The following PCDHGA9 variants were observed in gnomAD, a reference collection of about 807,000 sequenced individuals.
PCDHGA9 encodes the protein protocadherin gamma-A9.
Under a neutral mutation model 62.5 loss-of-function variants are expected in PCDHGA9, and 37 were observed. The observed-to-expected ratio is 0.59, with a 90% CI of 0.46 to 0.78. The LOEUF is 0.78. Among genes scored for constraint, PCDHGA9 ranks in the 30% least tolerant of loss-of-function variants. The pLI, the probability that PCDHGA9 is intolerant of heterozygous loss-of-function variation, is 0.00. For missense variants in PCDHGA9, 1,138 were observed against 1,166.2 expected, an observed-to-expected ratio of 0.98 and a Z score of 0.35; for synonymous variants, 459 against 484.6, an observed-to-expected ratio of 0.95 and a Z score of 0.69.
At chr5:141,474,115 G>A (rs1404490690) in intron 1 of PCDHGA9, among the ~76,000 whole-genome samples, 2 of 152,062 alleles carry the variant, frequency 1.3e-5, no homozygotes, top group South Asian at 2.1e-4. Context: ...CAACAACAAC[G>A]AAAATCTCAG....
intron 2 of PCDHGA9, 149 bp from the exon 3 acceptor site, chr5:141,505,244 T>C (rs886952348): frequency 7.0e-7 from 1 of 1,428,216 alleles, no homozygotes; most frequent in Non-Finnish European, 9.4e-7. Context: ...TGAAGGATTG[T>C]AGAAGTGCCT....
intron 1 of PCDHGA9, chr5:141,408,864 C>T: frequency 1.2e-6 from 2 of 1,613,638 alleles, no homozygotes; most frequent in Non-Finnish European, 8.5e-7. Context: ...GGGGACCCAC[C>T]AAGAAGTGCC....
chr5:141,465,454 T>G (rs1031876441), intron 1 of PCDHGA9, among the ~76,000 whole-genome samples: 1 of 152,184 alleles, frequency 6.6e-6, no homozygotes, highest in African/African-American at 2.4e-5. Context: ...AAGAAAACTC[T>G]CACCAAATTG....
chr5:141,428,594 G>A (rs1317075888), intron 1 of PCDHGA9: 4 of 227,916 alleles, frequency 1.8e-5, no homozygotes, highest in African/African-American at 9.1e-5. Context: ...CTGGTAGCAA[G>A]CTTCACTGAA....
Position 141,485,959 on chromosome 5 carries a change from C to A in PCDHGA9, c.2425-8848C>A, listed in dbSNP as rs758835557. The A allele has an allele frequency of 6.2e-7, 1 of 1,614,160 alleles. No homozygotes were observed. The highest frequency in any genetic ancestry group is 1.3e-5 in the African/African-American group (1 of 75,054). Reference sequence around the variant, plus strand: ...GCGCACCAGCGGGCATGGTGCTCATCCAGCTCAATGCCTCAGACCCGGACC... The same window carrying A: ...GCGCACCAGCGGGCATGGTGCTCATACAGCTCAATGCCTCAGACCCGGACC... On this transcript the variant is annotated intron_variant, in intron 1 of 3. Coordinates refer to ENST00000573521, the MANE Select transcript of PCDHGA9 (RefSeq NM_018921.3). The surrounding 1 kb of genome is among the most constrained non-coding windows in gnomAD (Gnocchi z 5.7).
intron 1 of PCDHGA9, chr5:141,433,013 AC>A: frequency 6.2e-7 from 1 of 1,614,018 alleles, no homozygotes; most frequent in Non-Finnish European, 8.5e-7. Flanking sequence ...TTTCCTGCAG[AC>A]CTATTCCCAC....
At chr5:141,460,829 A>C (rs1242954704) in intron 1 of PCDHGA9, among the ~76,000 whole-genome samples, 1 of 151,944 alleles carries the variant, frequency 6.6e-6, no homozygotes, top group African/African-American at 2.4e-5. Flanking sequence ...ATACACACTT[A>C]AAGTAATGGC....
rs762910422 is a variant in PCDHGA9, at chr5:141,485,747, C to T, written c.2425-9060C>T. ...GAAGCGCAGCGACGGCAGCCTGGTCCCAGAGCTGCTCCTGGAGAAGCCTTT... is the reference window on the plus strand; with the variant it reads ...GAAGCGCAGCGACGGCAGCCTGGTCTCAGAGCTGCTCCTGGAGAAGCCTTT... On this transcript the variant is annotated intron_variant, in intron 1 of 3. Coordinates refer to ENST00000573521, the MANE Select transcript of PCDHGA9 (RefSeq NM_018921.3). This position sits in a 1 kb window ranked among gnomAD's most constrained non-coding sequence, Gnocchi z 5.7. 1 of 1,614,162 alleles carries T rather than the reference C, an allele frequency of 6.2e-7. No individual in the cohort carries two copies.
In PCDHGA9 at chr5:141,432,358, G is replaced by A. The variant is rs750696244; in HGVS notation, c.2424+26982G>A. ...TCCGAGACTTGCAAGTGAAAGTGAT[G>A]GCGCGGGACAACGGGCACCCGCCCC... On this transcript the variant is annotated intron_variant, in intron 1 of 3. Transcript: ENST00000573521. This position sits in a 1 kb window ranked among gnomAD's most constrained non-coding sequence, Gnocchi z 6.0. The A allele has an allele frequency of 6.2e-7, 1 of 1,614,122 alleles. No homozygotes were observed. The highest frequency in any genetic ancestry group is 8.5e-7 in the Non-Finnish European group (1 of 1,180,060).
intron 3 of PCDHGA9, among the ~76,000 whole-genome samples, chr5:141,505,765 T>C (rs970212345): frequency 5.3e-5 from 8 of 151,922 alleles, no homozygotes; most frequent in African/African-American, 1.9e-4. Flanking sequence ...ACAGTGTAGC[T>C]CAGGTCCTAG....
rs773522759 is a variant in PCDHGA9, at chr5:141,419,457, A to G, written c.2424+14081A>G. The G allele has an allele frequency of 7.4e-6, 12 of 1,612,610 alleles. No homozygotes were observed. The South Asian group carries it at 1.3e-4, about 18-fold the overall frequency. On this transcript the variant is annotated intron_variant, in intron 1 of 3. Transcript: ENST00000573521. ...CTGCGCACCTTCGAGCTCACGCTGC[A>G]GGCCCGCGACCAGGGCTCGCCCGCG...
At chr5:141,410,659 C>T (rs1481225976) in intron 1 of PCDHGA9, 5 of 1,571,890 alleles carry the variant, frequency 3.2e-6, no homozygotes, top group Non-Finnish European at 4.3e-6. Flanking sequence ...ATCTAATAGT[C>T]TACTAGTTTC....
At chr5:141,417,628 A>T (rs2096139720) in intron 1 of PCDHGA9, 1 of 692,650 alleles carries the variant, frequency 1.4e-6, no homozygotes, top group Non-Finnish European at 2.3e-6. Context: ...GCAAGCGCTG[A>T]CGCCGGGGAT....
Position 141,476,165 on chromosome 5 carries a change from G to A in PCDHGA9, c.2425-18642G>A. ...CGGACTGGTAAGCACCGGGAGGGTA[G>A]TGGGAGTTTTGCTTCTGCTTGGTGC... On this transcript the variant is annotated intron_variant, in intron 1 of 3. Coordinates refer to ENST00000573521, the MANE Select transcript of PCDHGA9 (RefSeq NM_018921.3). This position sits in a 1 kb window ranked among gnomAD's most constrained non-coding sequence, Gnocchi z 7.6. 1 of 1,613,228 alleles carries A rather than the reference G, an allele frequency of 6.2e-7. No homozygotes were observed.
intron 1 of PCDHGA9, among the ~76,000 whole-genome samples, chr5:141,457,755 A>G (rs1011599369): frequency 2.0e-5 from 3 of 152,226 alleles, no homozygotes; most frequent in African/African-American, 4.8e-5. Flanking sequence ...GAGCCCAGAC[A>G]TGGGTTTGTA....
chr5:141,482,740 G>A (rs1288861437), intron 1 of PCDHGA9, among the ~76,000 whole-genome samples: 1 of 127,398 alleles, frequency 7.8e-6, no homozygotes, highest in African/African-American at 3.6e-5. Context: ...GAAATTCCAT[G>A]CAGAGGGATT....
Position 141,412,905 on chromosome 5 carries a change from A to G in PCDHGA9, c.2424+7529A>G, listed in dbSNP as rs145108034. The stretch of plus-strand genomic sequence containing the variant: ...AACAGAATAGTTTACTTTCCATTGC[A>G]TGTATCACTTGGGTGCAGTAACTTC... On this transcript the variant is annotated intron_variant, in intron 1 of 3. Coordinates refer to ENST00000573521, the MANE Select transcript of PCDHGA9 (RefSeq NM_018921.3). 1.3e-3 allele frequency: 513 copies of G among 382,556 alleles called. 6 individuals are homozygous for G. The East Asian group carries it at 0.015, about 11-fold the overall frequency. 23.7% of individuals were successfully genotyped at this position (382,556 alleles called of 1,614,324 possible).
Position 141,477,865 on chromosome 5 carries a change from T to A in PCDHGA9, c.2425-16942T>A, listed in dbSNP as rs1380570615. On this transcript the variant is annotated intron_variant, in intron 1 of 3. Transcript: ENST00000573521. This position sits in a 1 kb window ranked among gnomAD's most constrained non-coding sequence, Gnocchi z 4.9. ...GCTCGGTGGAGATGCTGCCTCGAGG[T>A]ACCTCAGCTGGCCACCTAGTGTCAC... 6.2e-7 allele frequency: 1 copy of A among 1,612,698 alleles called. No individual in the cohort carries two copies. Among genetic ancestry groups the A allele is most frequent in the Non-Finnish European group, 8.5e-7 (1 of 1,179,562 alleles).
intron 1 of PCDHGA9, among the ~76,000 whole-genome samples, chr5:141,463,726 A>G (rs6888081): frequency 0.29 from 44,573 of 151,836 alleles, 7,596 homozygotes; most frequent in African/African-American, 0.48. Flanking sequence ...GATTACAGGC[A>G]TGAGCCACCG....
Sources: allele counts gnomAD v4.1 joint callset (sites outside exome capture counted in the v4.1 genomes callset), GRCh38; gene constraint gnomAD v4.1.1; non-coding constraint Gnocchi (gnomAD v3.1); transcripts MANE v1.5; gene names NCBI Gene and HGNC (gene_info 2026-07-23, HGNC 2026-07-21).